The following ADGRV1 variants were observed in gnomAD, a reference collection of about 807,000 sequenced individuals.
The protein encoded by ADGRV1 is adhesion G protein-coupled receptor V1.
A neutral mutation model predicts 596.2 loss-of-function variants in ADGRV1; 359 were observed. That is an observed-to-expected ratio of 0.60 (90% confidence interval 0.55 to 0.66). ADGRV1 has a LOEUF of 0.66. Among genes scored for constraint, ADGRV1 ranks in the 30% least tolerant of loss-of-function variants. The pLI is 0.00. For synonymous variants in ADGRV1, 2,681 were observed against 2,679.2 expected (o/e 1.00, Z -0.02); for missense variants, 7,274 against 7,575.6 (o/e 0.96, Z 1.48).
At chr5:90,712,866 G>A (rs1254624970) in intron 42 of ADGRV1, among the ~76,000 whole-genome samples, 1 of 152,100 alleles carries the variant, frequency 6.6e-6, no homozygotes, top group Non-Finnish European at 1.5e-5. Flanking sequence ...TCCGCATAGT[G>A]TTGAGGTATA....
intron 83 of ADGRV1, among the ~76,000 whole-genome samples, chr5:90,961,151 T>C (rs1321854047): frequency 6.6e-6 from 1 of 152,066 alleles, no homozygotes; most frequent in Non-Finnish European, 1.5e-5. Flanking sequence ...TAGGATAGTC[T>C]AGGTATCTGC....
intron 21 of ADGRV1, among the ~76,000 whole-genome samples, chr5:90,668,439 G>A (rs560513043): frequency 1.2e-3 from 181 of 152,218 alleles, no homozygotes; most frequent in African/African-American, 3.0e-3. Context: ...TGCGCTTCCC[G>A]AGTGAGGCAA....
intron 85 of ADGRV1, among the ~76,000 whole-genome samples, chr5:91,070,687 C>G (rs1209032588): frequency 2.0e-5 from 3 of 152,110 alleles, no homozygotes; most frequent in Non-Finnish European, 1.5e-5. Flanking sequence ...ATCTCTAAAA[C>G]CATTTTGCCG....
At chr5:91,144,772 T>G (rs1461226216) in intron 87 of ADGRV1, among the ~76,000 whole-genome samples, 1 of 152,246 alleles carries the variant, frequency 6.6e-6, no homozygotes, top group Non-Finnish European at 1.5e-5. Context: ...ACAGTTAAGC[T>G]GTTATATTGT....
intron 39 of ADGRV1, among the ~76,000 whole-genome samples, chr5:90,710,346 CA>C (rs1372854951): frequency 6.6e-6 from 1 of 151,984 alleles, no homozygotes; most frequent in East Asian, 1.9e-4. Flanking sequence ...AGACTGAAAC[CA>C]AAAAGCCAAC....
At chr5:90,887,577 A>G (rs1770427820) in intron 83 of ADGRV1, among the ~76,000 whole-genome samples, 1 of 152,168 alleles carries the variant, frequency 6.6e-6, no homozygotes, top group Non-Finnish European at 1.5e-5. Context: ...CTGAATGCAT[A>G]TTTGTTATTA....
intron 1 of ADGRV1, among the ~76,000 whole-genome samples, chr5:90,597,844 A>G (rs1458189812): frequency 1.3e-5 from 2 of 152,200 alleles, no homozygotes; most frequent in South Asian, 2.1e-4. Flanking sequence ...CTTAGAGAAG[A>G]GTATGCATGT....
At chr5:90,638,584 A>G (rs1766556915) in intron 11 of ADGRV1, among the ~76,000 whole-genome samples, 1 of 151,994 alleles carries the variant, frequency 6.6e-6, no homozygotes, top group Non-Finnish European at 1.5e-5. Flanking sequence ...AATATATAAA[A>G]TACTGTGTTT....
chr5:90,672,739 T>G lies in ADGRV1; in HGVS notation c.4929+17T>G. The G allele has an allele frequency of 6.4e-7, 1 of 1,561,506 alleles. No individual in the cohort carries two copies. Among genetic ancestry groups the G allele is most frequent in the Non-Finnish European group, 8.7e-7 (1 of 1,151,030 alleles). On this transcript the variant is annotated intron_variant, in intron 22 of 89. Transcript: ENST00000405460. Reference sequence around the variant, plus strand: ...AGATCAGAGGTAAACCCTACCTTTTTTGTTCCTTTGAAAGCCTCCTGGAAA... The same window carrying G: ...AGATCAGAGGTAAACCCTACCTTTTGTGTTCCTTTGAAAGCCTCCTGGAAA...
At chr5:90,886,898 C>G (rs1159427451) in intron 83 of ADGRV1, among the ~76,000 whole-genome samples, 1 of 152,148 alleles carries the variant, frequency 6.6e-6, no homozygotes, top group Non-Finnish European at 1.5e-5. Context: ...ATGAGTTCAT[C>G]TCCTTTTTTC....
chr5:90,615,324 C>T (rs771721917), intron 2 of ADGRV1, among the ~76,000 whole-genome samples: 1 of 151,714 alleles, frequency 6.6e-6, no homozygotes, highest in Non-Finnish European at 1.5e-5. Context: ...TATCTCTGCT[C>T]AGATATACTA....
intron 83 of ADGRV1, among the ~76,000 whole-genome samples, chr5:90,959,956 G>T (rs371195482): frequency 2.6e-5 from 4 of 151,906 alleles, no homozygotes; most frequent in African/African-American, 7.3e-5. Flanking sequence ...TGGCTAACAC[G>T]GTGAAACCCC....
chr5:90,813,650 G>A (rs1762654683), intron 74 of ADGRV1, among the ~76,000 whole-genome samples: 2 of 152,158 alleles, frequency 1.3e-5, no homozygotes, highest in Admixed American at 1.3e-4. Flanking sequence ...GTCGTATGAT[G>A]TAATTGGCCT....
Position 90,848,657 on chromosome 5 carries a change from T to G in ADGRV1, c.17040T>G (p.Ile5680Met). The G allele has an allele frequency of 4.6e-6, 7 of 1,520,846 alleles. No individual in the cohort carries two copies. Among genetic ancestry groups the G allele is most frequent in the Non-Finnish European group, 6.1e-6 (7 of 1,140,122 alleles). 94.2% of individuals were successfully genotyped at this position (1,520,846 alleles called of 1,614,324 possible). The change falls in exon 79 of 90, where the codon ATT becomes ATG. Residue 5680 changes from isoleucine (I) to methionine (M), a missense_variant. By Grantham distance (10) the Ile-to-Met change is conservative. This residue lies in a region of ADGRV1 where 1,874 missense variants were observed against 1,970.2 expected (regional missense o/e 0.95). Transcript: ENST00000405460. ...TCCAGATAACTACTGAAGGAAAAAT[T>G]CAAGCTTTCAGTGTTGCCAGCCGAA... ...LIEKITTEGK[I>M]QAFSVASRTL...
At chr5:90,861,864 C>G (rs1444109034) in intron 82 of ADGRV1, among the ~76,000 whole-genome samples, 1 of 152,072 alleles carries the variant, frequency 6.6e-6, no homozygotes, top group Non-Finnish European at 1.5e-5. Flanking sequence ...AATATCCTCA[C>G]CCAAGCCAGA....
chr5:90,957,936 A>G (rs1294829225), intron 83 of ADGRV1, among the ~76,000 whole-genome samples: 1 of 152,126 alleles, frequency 6.6e-6, no homozygotes, highest in East Asian at 1.9e-4. Flanking sequence ...ATATATCACA[A>G]CAGAATGATA....
chr5:90,940,885 G>A (rs1776114124), intron 83 of ADGRV1, among the ~76,000 whole-genome samples: 1 of 152,156 alleles, frequency 6.6e-6, no homozygotes, highest in Admixed American at 6.6e-5. Flanking sequence ...TAATTTAACT[G>A]TGTGGTTATA....
chr5:90,579,215 T>A (rs1376090180), intron 1 of ADGRV1, among the ~76,000 whole-genome samples: 1 of 152,248 alleles, frequency 6.6e-6, no homozygotes, highest in Non-Finnish European at 1.5e-5. Flanking sequence ...CGATTTTAGA[T>A]CTTCCCTGCT....
intron 9 of ADGRV1, among the ~76,000 whole-genome samples, chr5:90,630,753 A>G (rs1270542265): frequency 6.6e-6 from 1 of 152,122 alleles, no homozygotes; most frequent in Non-Finnish European, 1.5e-5. Flanking sequence ...TTGTTTTATG[A>G]TGGATTTATT....
Sources: allele counts gnomAD v4.1 joint callset (sites outside exome capture counted in the v4.1 genomes callset), GRCh38; gene constraint gnomAD v4.1.1; regional missense constraint gnomAD v4.1.1; transcripts MANE v1.5; gene names NCBI Gene and HGNC (gene_info 2026-07-23, HGNC 2026-07-21).